CFDP1: variants seen among roughly 807,000 people sequenced by gnomAD.
CFDP1 encodes the protein heterochromatin-stabilizing protein CFDP1.
In CFDP1, 31 loss-of-function variants were observed where a neutral mutation model predicts 40.1. That is an observed-to-expected ratio of 0.77 (90% CI 0.58 to 1.04). The LOEUF (loss-of-function observed/expected upper bound fraction) is 1.04, where lower values mean the gene tolerates loss of function less well. CFDP1 is among the 50% of genes least tolerant of loss of function. The probability of loss-of-function intolerance (pLI) is 0.00; values close to 1 mark genes in which losing one functional copy is unlikely to be tolerated. For missense variants in CFDP1, 423 were observed against 343.4 expected, an observed-to-expected ratio of 1.23 and a Z score of -1.83; for synonymous variants, 167 against 120.0, an observed-to-expected ratio of 1.39 and a Z score of -2.56.
rs145593544 is a variant in CFDP1, at chr16:75,305,108, T to C, written c.725A>G (p.Glu242Gly). 318 of 1,614,066 alleles carry C rather than the reference T, an allele frequency of 2.0e-4. No individual in the cohort carries two copies. Among genetic ancestry groups the C allele is most frequent in the Non-Finnish European group, 2.7e-4 (313 of 1,180,024 alleles). ...GAKKQKMSTL[E>G]KSKLDWESFK... is the part of the protein sequence containing the mutation. ...GCTCTCCCAGTCCAGTTTGGACTTC[T>C]CAAGGGTGCTCATTTTCTGCTTCTT... The change falls in exon 6 of 7, where the codon GAG becomes GGG. Residue 242 changes from glutamate (E) to glycine (G), a missense_variant. Glu to Gly is a moderately conservative substitution (Grantham distance 98). Transcript: ENST00000283882.
chr16:75,404,689 A>G (rs2079084035), intron 4 of CFDP1, among the ~76,000 whole-genome samples: 1 of 151,918 alleles, frequency 6.6e-6, no homozygotes, highest in East Asian at 1.9e-4. Flanking sequence ...TGCAATACAA[A>G]TGGCCTGGAC....
chr16:75,388,940 C>G (rs942411803), intron 5 of CFDP1, among the ~76,000 whole-genome samples: 5 of 150,550 alleles, frequency 3.3e-5, no homozygotes, highest in African/African-American at 1.2e-4. Flanking sequence ...TTTTTCCACT[C>G]CATAGATCAA....
At chr16:75,368,689 T>C (rs1224630007) in intron 5 of CFDP1, among the ~76,000 whole-genome samples, 1 of 143,426 alleles carries the variant, frequency 7.0e-6, no homozygotes, top group Non-Finnish European at 1.5e-5. Flanking sequence ...ATTTTCTTTC[T>C]TTTTTTTTTT....
chr16:75,340,164 C>T (rs2078516955), intron 5 of CFDP1, among the ~76,000 whole-genome samples: 3 of 152,188 alleles, frequency 2.0e-5, no homozygotes, highest in Non-Finnish European at 2.9e-5. Context: ...GCAATCTAAT[C>T]GACTGATAAA....
chr16:75,314,500 T>C (rs1485473615), intron 5 of CFDP1, among the ~76,000 whole-genome samples: 7 of 152,168 alleles, frequency 4.6e-5, no homozygotes, highest in African/African-American at 1.7e-4. Context: ...TGGTAGTTGC[T>C]GACAGCTAAT....
intron 6 of CFDP1, among the ~76,000 whole-genome samples, chr16:75,298,141 T>C (rs1407991870): frequency 2.0e-5 from 3 of 152,202 alleles, no homozygotes; most frequent in African/African-American, 4.8e-5. Flanking sequence ...ATAAAACAAA[T>C]GAATTCTGTG....
At chr16:75,310,085 C>T (rs887891515) in intron 5 of CFDP1, among the ~76,000 whole-genome samples, 84 of 152,114 alleles carry the variant, frequency 5.5e-4, no homozygotes, top group Non-Finnish European at 5.6e-4. Context: ...ATGTTATTAC[C>T]AAGATGTTTC....
intron 5 of CFDP1, among the ~76,000 whole-genome samples, chr16:75,368,001 G>T (rs2078727482): frequency 6.6e-6 from 1 of 151,862 alleles, no homozygotes; most frequent in Admixed American, 6.6e-5. Flanking sequence ...GCTACTCAAG[G>T]GCTGAGGCAG....
intron 1 of CFDP1, among the ~76,000 whole-genome samples, chr16:75,417,289 G>C (rs976892505): frequency 1.3e-5 from 2 of 152,170 alleles, no homozygotes; most frequent in Non-Finnish European, 2.9e-5. Flanking sequence ...ACTCAGTACT[G>C]TTTGTAATAA....
At chr16:75,431,323 G>A (rs2079411691) in intron 1 of CFDP1, among the ~76,000 whole-genome samples, 1 of 151,646 alleles carries the variant, frequency 6.6e-6, no homozygotes, top group South Asian at 2.1e-4. Context: ...GTGTGCTGGC[G>A]GGGACCTGTA....
At chr16:75,327,340 A>G (rs1269094059) in intron 5 of CFDP1, among the ~76,000 whole-genome samples, 1 of 152,112 alleles carries the variant, frequency 6.6e-6, no homozygotes, top group Admixed American at 6.5e-5. Context: ...GAGTTCCACA[A>G]AGAGGAAGAA....
intron 5 of CFDP1, among the ~76,000 whole-genome samples, chr16:75,307,453 G>C (rs2078266492): frequency 6.6e-6 from 1 of 152,134 alleles, no homozygotes. Context: ...CTGACCTCGG[G>C]TGATCTGCCC....
At chr16:75,380,197 C>T (rs1888963761) in intron 5 of CFDP1, 1 of 151,852 alleles carries the variant, frequency 6.6e-6, no homozygotes, top group African/African-American at 2.4e-5. Context: ...GATGAACTTC[C>T]ATTTTAGGCA....
intron 5 of CFDP1, among the ~76,000 whole-genome samples, chr16:75,354,892 G>C (rs2078636350): frequency 6.6e-6 from 1 of 152,156 alleles, no homozygotes; most frequent in South Asian, 2.1e-4. Context: ...GTTAACATCA[G>C]AGAAAGCTGG....
In CFDP1 at chr16:75,412,041, C is replaced by T. The variant is rs1038150270; in HGVS notation, c.403-89G>A. 14 of 1,331,256 alleles carry T rather than the reference C, an allele frequency of 1.1e-5. 1 individual carries two copies. The African/African-American group carries it at 1.3e-4, about 13-fold the overall frequency. 82.5% of individuals were successfully genotyped at this position (1,331,256 alleles called of 1,614,324 possible). On this transcript the variant is annotated intron_variant, in intron 3 of 6. Transcript: ENST00000283882. ...TTTTATTTTTTTTTCTTTGAGATAGCGTCTCACTCTGTAGCCCAAGCTGGA... is the reference window on the plus strand; with the variant it reads ...TTTTATTTTTTTTTCTTTGAGATAGTGTCTCACTCTGTAGCCCAAGCTGGA...
chr16:75,362,598 C>T (rs901230705), intron 5 of CFDP1, among the ~76,000 whole-genome samples: 2 of 152,220 alleles, frequency 1.3e-5, no homozygotes, highest in Admixed American at 1.3e-4. Context: ...TCTCGACCTA[C>T]AACACAAGCT....
chr16:75,352,585 T>G (rs1447445625), intron 5 of CFDP1, among the ~76,000 whole-genome samples: 1 of 152,130 alleles, frequency 6.6e-6, no homozygotes, highest in Non-Finnish European at 1.5e-5. Context: ...AAAATAATAA[T>G]TTTATTACAG....
At chr16:75,393,662 C>T (rs1422912175) in intron 5 of CFDP1, among the ~76,000 whole-genome samples, 4 of 140,296 alleles carry the variant, frequency 2.9e-5, no homozygotes, top group South Asian at 2.3e-4. Context: ...ACCCGGGAAG[C>T]GGAGCTTGCA....
chr16:75,405,219 G>A (rs1459745701), intron 4 of CFDP1, among the ~76,000 whole-genome samples: 2 of 152,152 alleles, frequency 1.3e-5, no homozygotes, highest in African/African-American at 4.8e-5. Flanking sequence ...CAATGTGTGT[G>A]ATACTTCAGA....
Sources: gnomAD v4.1 joint callset for allele counts (sites outside exome capture counted in the v4.1 genomes callset) on GRCh38, gnomAD v4.1.1 for gene constraint, MANE v1.5 for transcripts, NCBI Gene and HGNC (gene_info 2026-07-23, HGNC 2026-07-21) for gene names.